Variants in NLRP3 observed in about 807,000 individuals in gnomAD.
NLRP3 encodes NLR family pyrin domain containing 3, also known as NACHT, LRR and PYD domains-containing protein 3.
In NLRP3, 48 loss-of-function variants were observed where a neutral mutation model predicts 91.3. That is an observed-to-expected ratio of 0.53 (90% confidence interval 0.42 to 0.67). NLRP3 has a LOEUF of 0.67. NLRP3 is among the 30% of genes least tolerant of loss of function. The pLI is 0.00. For synonymous variants in NLRP3, 561 were observed against 507.9 expected (o/e 1.10, Z -1.41); for missense variants, 982 against 1,276.9 (o/e 0.77, Z 3.52).
chr1:247,433,493 G>T (rs1663500921), intron 5 of NLRP3, among the ~76,000 whole-genome samples: 1 of 152,214 alleles, frequency 6.6e-6, no homozygotes, highest in Non-Finnish European at 1.5e-5. Context: ...ACCCGGCACT[G>T]TTTACGGCCG....
At chr1:247,420,703 C>T (rs894497020) in intron 2 of NLRP3, among the ~76,000 whole-genome samples, 1 of 151,626 alleles carries the variant, frequency 6.6e-6, no homozygotes, top group Non-Finnish European at 1.5e-5. Flanking sequence ...GGCTAAAGAG[C>T]AAGACCCTGT....
chr1:247,446,852 G>A (rs540123487), intron 9 of NLRP3, among the ~76,000 whole-genome samples: 1 of 152,324 alleles, frequency 6.6e-6, no homozygotes, highest in African/African-American at 2.4e-5. Context: ...ATGCAGGTTT[G>A]AATAAATACA....
chr1:247,434,110 C>T lies in NLRP3; in HGVS notation c.2329C>T (p.Arg777Cys), dbSNP rs772009059. Residue 777 changes from arginine to cysteine, a missense_variant, in exon 6 of 10, where the codon CGC (arginine) becomes TGC (cysteine). This residue lies in a region of NLRP3 where 373 missense variants were observed against 431.5 expected (regional missense o/e 0.86). Transcript: ENST00000336119. ...TCTGTTCTTGGCATGAAGGTTGGGG[C>T]GCTGTGGCCTCTCGCATGAGTGCTG... ...GCNIRRLWLG[R>C]CGLSHECCFD... 20 of 1,370,550 alleles carry T rather than the reference C, an allele frequency of 1.5e-5. No individual in the cohort carries two copies. In the East Asian group the frequency reaches 4.6e-4, roughly 32 times the overall value. 84.9% of individuals were successfully genotyped at this position (1,370,550 alleles called of 1,614,324 possible). A position where few individuals can be genotyped will look rare whatever the true frequency, so the allele number is the denominator to read the frequency against.
chr1:247,418,968 G>T lies in NLRP3; in HGVS notation c.168G>T (p.Met56Ile), dbSNP rs1460608330. The T allele has an allele frequency of 6.2e-7, 1 of 1,614,118 alleles. No homozygotes were observed. The highest frequency in any genetic ancestry group is 1.1e-5 in the South Asian group (1 of 91,080). ...KADHVDLATL[M>I]IDFNGEEKAW... Reference sequence around the variant, plus strand: ...ACCATGTGGATCTAGCCACGCTAATGATCGACTTCAATGGGGAGGAGAAGG... The same window carrying T: ...ACCATGTGGATCTAGCCACGCTAATTATCGACTTCAATGGGGAGGAGAAGG... The change falls in exon 2 of 10, where the codon ATG becomes ATT. Residue 56 changes from methionine (M) to isoleucine (I), a missense_variant. Physicochemically the swap from Met to Ile is conservative, Grantham distance 10 (BLOSUM62 1). This residue lies in a region of NLRP3 where 548 missense variants were observed against 713.7 expected (regional missense o/e 0.77). Transcript: ENST00000336119.
chr1:247,425,635 T>C lies in NLRP3; in HGVS notation c.2150+36T>C, dbSNP rs756529941. 5.0e-6 allele frequency: 8 copies of C among 1,590,748 alleles called. No individual in the cohort carries two copies. The highest frequency in any genetic ancestry group is 2.2e-5 in the East Asian group (1 of 44,840). ...TCGGCTTCCAGGTGCTTCCTCCTGC[T>C]TCCTCGCCAGCTTCTTCTTGGCGCT... On this transcript the variant is annotated intron_variant, in intron 4 of 9. Coordinates refer to ENST00000336119, the MANE Select transcript of NLRP3 (RefSeq NM_001243133.2). The surrounding 1 kb of genome is among the most constrained non-coding windows in gnomAD (Gnocchi z 4.1).
At chr1:247,435,863 T>C in intron 6 of NLRP3, 107 bp from the exon 7 acceptor site, 1 of 1,037,030 alleles carries the variant, frequency 9.6e-7, no homozygotes. Context: ...TCCACTCCCT[T>C]TCCATGTGTA....
rs1449410815 is a variant in NLRP3, at chr1:247,424,608, G to A, written c.1159G>A (p.Glu387Lys). Residue 387 changes from glutamate to lysine, a missense_variant, in exon 4 of 10, where the codon GAG becomes AAG. Transcript: ENST00000336119. The surrounding 1 kb of genome is among the most constrained non-coding windows in gnomAD (Gnocchi z 8.1). Reference protein sequence around the residue: ...KEYFFKYFSDEAQARAAFSLI... With the variant: ...KEYFFKYFSDKAQARAAFSLI... Reference sequence around the variant, plus strand: ...GTACTTCTTCAAGTACTTCTCTGATGAGGCCCAAGCCAGGGCAGCCTTCAG... The same window carrying A: ...GTACTTCTTCAAGTACTTCTCTGATAAGGCCCAAGCCAGGGCAGCCTTCAG... 2 of 1,614,224 alleles carry A rather than the reference G, an allele frequency of 1.2e-6. No individual in the cohort carries two copies. The highest frequency in any genetic ancestry group is 1.7e-5 in the Admixed American group (1 of 60,030).
In NLRP3 at chr1:247,418,816, T is replaced by C. The variant is rs1441181465; in HGVS notation, c.16T>C (p.Cys6Arg). The C allele has an allele frequency of 6.2e-7, 1 of 1,614,026 alleles. No homozygotes were observed. Among genetic ancestry groups the C allele is most frequent in the South Asian group, 1.1e-5 (1 of 91,076 alleles). The change falls in exon 2 of 10, where the codon TGC (cysteine) becomes CGC (arginine). Residue 6 changes from cysteine (C) to arginine (R), a missense_variant. By Grantham distance (180) the Cys-to-Arg change is radical (BLOSUM62 -3). This residue lies in a region of NLRP3 where 548 missense variants were observed against 713.7 expected (regional missense o/e 0.77). Transcript: ENST00000336119. The part of the protein sequence containing the change: MASTR[C>R]KLARYLEDLE... ...GCAGATGAAGATGGCAAGCACCCGC[T>C]GCAAGCTGGCCAGGTACCTGGAGGA...
At chr1:247,436,217 T>C in intron 7 of NLRP3, 77 bp downstream of exon 7, 1 of 1,466,890 alleles carries the variant, frequency 6.8e-7, no homozygotes, top group Admixed American at 1.8e-5. Context: ...TGGATGGGGG[T>C]TACTTTGGTC....
At position 247,419,083 on chromosome 1, in the gene NLRP3, T is replaced by G. The variant is rs760077493; in HGVS notation, c.277+6T>G. 6.2e-7 allele frequency: 1 copy of G among 1,606,780 alleles called. No homozygotes were observed. The highest frequency in any genetic ancestry group is 1.1e-5 in the South Asian group (1 of 90,960). ...AAGAGATGAGCCGAAGTGGGGTGAG[T>G]GGAAGGAAGACTTTTAAAAAAAATT... is the stretch of plus-strand genomic sequence containing the variant. On this transcript the variant is annotated splice_donor_region_variant and intron_variant, in intron 2 of 9. Coordinates refer to ENST00000336119, the MANE Select transcript of NLRP3 (RefSeq NM_001243133.2).
At chr1:247,440,086 ATAGCCTACGTGTTAG>A (rs1664099598) in intron 7 of NLRP3, among the ~76,000 whole-genome samples, 1 of 23,918 alleles carries the variant, frequency 4.2e-5, no homozygotes, top group African/African-American at 1.4e-4. Flanking sequence ...TGGGTTAGGT[ATAGCCTACGTGTTAG>A]GTATAGCCTA....
At chr1:247,419,570 C>T (rs1662314292) in intron 2 of NLRP3, among the ~76,000 whole-genome samples, 1 of 152,196 alleles carries the variant, frequency 6.6e-6, no homozygotes, top group African/African-American at 2.4e-5. Flanking sequence ...TGAATGATAA[C>T]TCCTCATTGC....
chr1:247,448,047 C>T (rs1380873982), intron 9 of NLRP3, among the ~76,000 whole-genome samples: 1 of 151,188 alleles, frequency 6.6e-6, no homozygotes, highest in African/African-American at 2.4e-5. Flanking sequence ...TATTGGGAGC[C>T]GTGGGAGGGG....
chr1:247,432,868 G>A (rs899305912), intron 5 of NLRP3, among the ~76,000 whole-genome samples: 1 of 152,056 alleles, frequency 6.6e-6, no homozygotes, highest in Admixed American at 6.6e-5. Context: ...GTGTGTTTGT[G>A]TGCATGTGTG....
intron 5 of NLRP3, among the ~76,000 whole-genome samples, chr1:247,432,733 C>T (rs969247953): frequency 6.6e-6 from 1 of 152,134 alleles, no homozygotes; most frequent in East Asian, 1.9e-4. Context: ...GGTGGTCTAA[C>T]AGGCTCCAGG....
intron 2 of NLRP3, 85 bp downstream of exon 2, chr1:247,419,162 ATATT>A: frequency 2.0e-5 from 5 of 247,622 alleles, no homozygotes; most frequent in African/African-American, 5.1e-5. Context: ...ATATATATAT[ATATT>A]TTTTTTTGAG....
rs141994679 is a variant in NLRP3, at chr1:247,418,268, C to T, written c.-533C>T. The T allele has an allele frequency of 1.7e-3, 360 of 208,566 alleles. 3 individuals carry two copies. The highest frequency in any genetic ancestry group is 7.3e-3 in the African/African-American group (312 of 42,454). The allele number at this position is 208,566 out of a possible 1,614,324, so 12.9% of individuals were successfully genotyped here. ...CATGGCTCAGGACACACTCCTGGAT[C>T]GAGCCAACAGGAGAACTTTCTGGTA... On this transcript the variant is annotated 5_prime_UTR_variant, in exon 2 of 10. The change creates a premature stop within an existing upstream ORF in the 5' untranslated region. Coordinates refer to ENST00000336119, the MANE Select transcript of NLRP3 (RefSeq NM_001243133.2).
At chr1:247,448,150 G>A (rs1026143945) in intron 9 of NLRP3, among the ~76,000 whole-genome samples, 24 of 151,840 alleles carry the variant, frequency 1.6e-4, no homozygotes, top group Non-Finnish European at 2.8e-4. Flanking sequence ...AGGACACGAC[G>A]AGCACCGGCT....
chr1:247,423,750 C>T (rs533431570), intron 3 of NLRP3, 97 bp from the exon 4 acceptor site: 17 of 1,088,758 alleles, frequency 1.6e-5, no homozygotes, highest in Non-Finnish European at 1.9e-5. Context: ...TTTCTCCATT[C>T]CGGTTACCAC....
Sources: gnomAD v4.1 joint callset for allele counts (sites outside exome capture counted in the v4.1 genomes callset) on GRCh38, gnomAD v4.1.1 for gene constraint, gnomAD v4.1.1 regional missense constraint, Gnocchi (gnomAD v3.1) non-coding constraint, MANE v1.5 for transcripts, NCBI Gene and HGNC (gene_info 2026-07-23, HGNC 2026-07-21) for gene names.